The following OTUD7B variants were observed in gnomAD, a reference collection of about 807,000 sequenced individuals.
OTUD7B encodes OTU deubiquitinase 7B.
OTUD7B carries 34 observed loss-of-function variants against 82.2 expected under a neutral mutation model. The observed-to-expected ratio is 0.41, with a 90% confidence interval of 0.31 to 0.55. OTUD7B has a LOEUF of 0.55. OTUD7B is among the 20% of genes least tolerant of loss of function. The pLI is 0.20. For synonymous variants in OTUD7B, 398 were observed against 402.7 expected, an observed-to-expected ratio of 0.99 and a Z score of 0.14; for missense variants, 944 against 1,062.1, an observed-to-expected ratio of 0.89 and a Z score of 1.55.
intron 3 of OTUD7B, 56 bp from the exon 4 acceptor site, chr1:149,967,577 A>G (rs1331784853): frequency 3.0e-6 from 4 of 1,332,818 alleles, no homozygotes; most frequent in Non-Finnish European, 4.1e-6. Flanking sequence ...GGAGAACTCT[A>G]CACTGATGTG....
Position 149,938,483 on chromosome 1 carries a change from A to AAAACAAG in OTUD7B, c.*5373_*5374insCTTGTTT, listed in dbSNP as rs1296913338. 2.4e-5 allele frequency: 2 copies of AAAACAAG among 82,910 alleles called. 1 individual carries two copies. The allele number at this position is 82,910 out of a possible 1,614,324, so 5.1% of individuals were successfully genotyped here. A position where few individuals can be genotyped will look rare whatever the true frequency, so the allele number is the denominator to read the frequency against. ...CGCAAAAAAAAAAAAAAAAAAAAAGACATAGGAAGAGGTGTGTACCATAAC... is the reference window on the plus strand; with the variant it reads ...CGCAAAAAAAAAAAAAAAAAAAAAGAAAACAAGCATAGGAAGAGGTGTGTACCATAAC... On this transcript the variant is annotated 3_prime_UTR_variant, in exon 12 of 12. Transcript: ENST00000581312.
At chr1:150,014,038 A>AAATATACGTATATATACGTATATATACG (rs1489287315), upstream of OTUD7B, among the ~76,000 whole-genome samples, 1 of 120,280 alleles carries the variant, frequency 8.3e-6, no homozygotes, top group African/African-American at 3.2e-5. Context: ...ATATATACGT[A>AAATATACGTATATATACGTATATATACG]TATATGTGTG....
chr1:149,952,490 A>T (rs587612713), intron 7 of OTUD7B, among the ~76,000 whole-genome samples: 31 of 152,300 alleles, frequency 2.0e-4, no homozygotes, highest in Admixed American at 5.2e-4. Flanking sequence ...TGCTATTGTG[A>T]ATAGTGCCAC....
At chr1:149,965,670 A>G in intron 5 of OTUD7B, 107 bp downstream of exon 5, 2 of 777,208 alleles carry the variant, frequency 2.6e-6, no homozygotes, top group Non-Finnish European at 2.2e-6. Context: ...GCTCTGAACC[A>G]TCATTTCCGC....
chr1:150,011,759 GT>G (rs1653076779), upstream of OTUD7B, among the ~76,000 whole-genome samples: 1 of 152,166 alleles, frequency 6.6e-6, no homozygotes, highest in Non-Finnish European at 1.5e-5. Flanking sequence ...ATAGCACCTG[GT>G]CTGCATATTC....
chr1:150,026,733 AGAAAAGT>A, the OTUD7B span, among the ~76,000 whole-genome samples: 1 of 152,220 alleles, frequency 6.6e-6, no homozygotes, highest in African/African-American at 2.4e-5. Flanking sequence ...GTACGGAAAG[AGAAAAGT>A]GAAAAGTGAA....
In OTUD7B at chr1:149,949,649, T is replaced by C. The variant is rs1553772881; in HGVS notation, c.1103A>G (p.Lys368Arg). Residue 368 changes from lysine (K) to arginine (R), a missense_variant, in exon 9 of 12, where the codon AAG becomes AGG. Lys to Arg is a conservative substitution (Grantham distance 26). This residue lies in a region of OTUD7B where 530 missense variants were observed against 625.6 expected (regional missense o/e 0.85). Coordinates refer to ENST00000581312, the MANE Select transcript of OTUD7B (RefSeq NM_020205.4). ...AGCACCTTGTTCCTTGGTATTCTCC[T>C]TCTGCTCCATGGACACGAGTGCAGA... ...HFSALVSMEQ[K>R]ENTKEQAVIP... is the part of the protein sequence containing the mutation. 2 of 1,614,046 alleles carry C rather than the reference T, an allele frequency of 1.2e-6. No individual in the cohort carries two copies. The highest frequency in any genetic ancestry group is 1.3e-5 in the African/African-American group (1 of 74,924).
At chr1:149,960,413 T>TTTTTTA (rs1366020859) in intron 6 of OTUD7B, among the ~76,000 whole-genome samples, 1 of 72,566 alleles carries the variant, frequency 1.4e-5, no homozygotes, top group Non-Finnish European at 2.4e-5. Flanking sequence ...TTTTTTTTTG[T>TTTTTTA]AGACAGAGTC....
chr1:150,022,641 C>A, the OTUD7B span, among the ~76,000 whole-genome samples: 1 of 152,050 alleles, frequency 6.6e-6, no homozygotes, highest in Non-Finnish European at 1.5e-5. Flanking sequence ...TCAAGAGACA[C>A]CACAGGCCAT....
chr1:150,014,058 A>ATGTGTGTGTG (rs782449466), upstream of OTUD7B, among the ~76,000 whole-genome samples: 69 of 87,514 alleles, frequency 7.9e-4, no homozygotes, highest in East Asian at 1.7e-3. Context: ...GTGTATATAT[A>ATGTGTGTGTG]TGTGTGTGTG....
the OTUD7B span, among the ~76,000 whole-genome samples, chr1:150,019,867 T>C: frequency 6.6e-6 from 1 of 151,142 alleles, no homozygotes; most frequent in East Asian, 2.0e-4. Flanking sequence ...CCAGGTGCAG[T>C]GGCTCACGCC....
the OTUD7B span, among the ~76,000 whole-genome samples, chr1:150,036,321 C>T: frequency 3.3e-4 from 48 of 144,694 alleles, no homozygotes; most frequent in African/African-American, 1.1e-3. Flanking sequence ...AGTGCAGTGG[C>T]GCGAGCTCGG....
At position 149,944,615 on chromosome 1, in the gene OTUD7B, C is replaced by T; in HGVS notation, c.1774G>A (p.Val592Met). 6.2e-7 allele frequency: 1 copy of T among 1,614,124 alleles called. No individual in the cohort carries two copies. The highest frequency in any genetic ancestry group is 1.6e-4 in the Middle Eastern group (1 of 6,062). ...CTCAGAATGCTCAGGCTCTGCATCA[C>T]CTCCTGGCTATACTTGCTCCCTCCG... ...GNGGSKYSQE[V>M]MQSLSILRTA... Residue 592 changes from valine to methionine, a missense_variant, in exon 12 of 12, where the codon GTG becomes ATG. Transcript: ENST00000581312.
chr1:149,966,380 A>G (rs1649522355), intron 4 of OTUD7B, among the ~76,000 whole-genome samples: 1 of 152,206 alleles, frequency 6.6e-6, no homozygotes, highest in Non-Finnish European at 1.5e-5. Context: ...CACAGCAACA[A>G]AGCTCAGCAA....
At chr1:149,984,704 T>G (rs1651015502) in intron 1 of OTUD7B, among the ~76,000 whole-genome samples, 1 of 152,124 alleles carries the variant, frequency 6.6e-6, no homozygotes, top group Non-Finnish European at 1.5e-5. Context: ...CATGAGCTTA[T>G]TCTCTCATCT....
chr1:150,042,786 G>GT, the OTUD7B span, among the ~76,000 whole-genome samples: 1 of 152,094 alleles, frequency 6.6e-6, no homozygotes, highest in Non-Finnish European at 1.5e-5. Flanking sequence ...AATTCAGAAT[G>GT]TATCTCTGAA....
intron 3 of OTUD7B, among the ~76,000 whole-genome samples, chr1:149,968,132 T>C (rs1649642142): frequency 6.6e-6 from 1 of 151,620 alleles, no homozygotes; most frequent in South Asian, 2.1e-4. Context: ...GGCATGGTGG[T>C]GTGCCCCTAT....
At position 149,944,661 on chromosome 1, in the gene OTUD7B, G is replaced by C. The variant is rs1553771562; in HGVS notation, c.1728C>G (p.Pro576=). The C allele has an allele frequency of 1.2e-6, 2 of 1,613,844 alleles. No individual in the cohort carries two copies. Among genetic ancestry groups the C allele is most frequent in the South Asian group, 2.2e-5 (2 of 91,072 alleles). Residue 576 remains proline (P), a synonymous_variant, in exon 12 of 12, where the codon CCC becomes CCG. Coordinates refer to ENST00000581312, the MANE Select transcript of OTUD7B (RefSeq NM_020205.4). ...CTCCGTTACCAACAGACTCAGCTGG[G>C]GGCTTCTCAGACACAGGCCCATCCC... ...AAGDGPVSEK[P]PAESVGNGGS... is the part of the protein sequence containing the mutation.
intron 1 of OTUD7B, among the ~76,000 whole-genome samples, chr1:149,980,163 A>G (rs1165083105): frequency 6.6e-6 from 1 of 151,544 alleles, no homozygotes; most frequent in Non-Finnish European, 1.5e-5. Flanking sequence ...CACAGCACAC[A>G]GGCTATTCTT....
Sources: allele counts gnomAD v4.1 joint callset (sites outside exome capture counted in the v4.1 genomes callset), GRCh38; gene constraint gnomAD v4.1.1; regional missense constraint gnomAD v4.1.1; transcripts MANE v1.5; gene names NCBI Gene and HGNC (gene_info 2026-07-23, HGNC 2026-07-21).